NXN: variants seen among roughly 807,000 people sequenced by gnomAD.
The protein encoded by NXN is nucleoredoxin, also known as nucleoredoxin 1.
Under a neutral mutation model 48.6 loss-of-function variants are expected in NXN, and 16 were observed. The ratio of observed to expected loss-of-function variants is 0.33; its 90% CI spans 0.22 to 0.50. The LOEUF (loss-of-function observed/expected upper bound fraction) is 0.50, where lower values mean the gene tolerates loss of function less well. Among genes scored for constraint, NXN ranks in the 20% least tolerant of loss-of-function variants. NXN has a pLI of 0.98. For synonymous variants in NXN, 281 were observed against 269.6 expected, an observed-to-expected ratio of 1.04 and a Z score of -0.41; for missense variants, 492 against 605.5, an observed-to-expected ratio of 0.81 and a Z score of 1.97.
intron 1 of NXN, among the ~76,000 whole-genome samples, chr17:964,622 C>T (rs907826207): frequency 6.6e-6 from 1 of 152,206 alleles, no homozygotes; most frequent in African/African-American, 2.4e-5. Flanking sequence ...CACCCTCACG[C>T]CTACATCTGA....
intron 5 of NXN, among the ~76,000 whole-genome samples, chr17:816,874 A>T (rs1413759608): frequency 1.3e-5 from 2 of 152,144 alleles, no homozygotes; most frequent in African/African-American, 2.4e-5. Context: ...GGGCATCCCG[A>T]AACTTATCTC....
At chr17:908,282 A>T (rs549302043) in intron 1 of NXN, among the ~76,000 whole-genome samples, 213 of 152,258 alleles carry the variant, frequency 1.4e-3, no homozygotes, top group Middle Eastern at 6.8e-3. Flanking sequence ...TCACGCCTGT[A>T]TTCCCAGCAC....
intron 1 of NXN, among the ~76,000 whole-genome samples, chr17:865,558 A>T (rs1177565849): frequency 6.6e-6 from 1 of 151,964 alleles, no homozygotes; most frequent in African/African-American, 2.4e-5. Context: ...CACATTTTCT[A>T]TAAAGCAATG....
At chr17:963,937 C>T (rs1409860144) in intron 1 of NXN, among the ~76,000 whole-genome samples, 14 of 150,196 alleles carry the variant, frequency 9.3e-5, no homozygotes, top group African/African-American at 3.2e-4. Context: ...ATCAGCCGGG[C>T]GTGGTGGCGG....
intron 1 of NXN, among the ~76,000 whole-genome samples, chr17:873,075 A>T (rs1419238059): frequency 6.6e-6 from 1 of 152,206 alleles, no homozygotes; most frequent in African/African-American, 2.4e-5. Context: ...TCCAGCTGGG[A>T]CACCCGTCTT....
intron 2 of NXN, 138 bp from the exon 3 acceptor site, chr17:823,903 A>C: frequency 1.3e-6 from 1 of 747,806 alleles, no homozygotes; most frequent in Admixed American, 2.7e-5. Context: ...GTGACAAGAT[A>C]ATCATCAAAC....
intron 1 of NXN, among the ~76,000 whole-genome samples, chr17:951,579 G>A (rs1280885554): frequency 6.6e-6 from 1 of 151,384 alleles, no homozygotes; most frequent in Non-Finnish European, 1.5e-5. Flanking sequence ...GCGGGGGTTG[G>A]GGGCGGGAGG....
intron 1 of NXN, among the ~76,000 whole-genome samples, chr17:866,875 T>C (rs2068100260): frequency 6.6e-6 from 1 of 152,252 alleles, no homozygotes; most frequent in Non-Finnish European, 1.5e-5. Flanking sequence ...ATTCAAATAC[T>C]GCAAACCCTC....
At chr17:948,137 C>T (rs7225997) in intron 1 of NXN, among the ~76,000 whole-genome samples, 91,014 of 151,842 alleles carry the variant, frequency 0.6, 28,488 homozygotes, top group Non-Finnish European at 0.71. Context: ...CACAGCATAA[C>T]GACTATTTAC....
rs1382643107 is a variant in NXN, at chr17:806,133, GCC to G, written c.821-888_821-887del. Among the ~76,000 whole-genome samples, 88 of 148,476 alleles carry G rather than the reference GCC, an allele frequency of 5.9e-4. 2 individuals are homozygous for G. Among genetic ancestry groups the G allele is most frequent in the African/African-American group, 2.1e-3 (83 of 38,692 alleles). On this transcript the variant is annotated intron_variant, in intron 5 of 7. Coordinates refer to ENST00000336868, the MANE Select transcript of NXN (RefSeq NM_022463.5). ...TGCAGCCCCCGCCGTCTGCACCCCA[GCC>G]CTCCCCGCTCCCCAGGGCTGCAGCC...
intron 1 of NXN, among the ~76,000 whole-genome samples, chr17:851,550 G>A (rs2067923729): frequency 6.6e-6 from 1 of 152,208 alleles, no homozygotes; most frequent in African/African-American, 2.4e-5. Context: ...CTGCACACTG[G>A]GAGAAACCAG....
At chr17:823,563 C>T in intron 3 of NXN, 69 bp downstream of exon 3, 1 of 1,580,678 alleles carries the variant, frequency 6.3e-7, no homozygotes, top group Non-Finnish European at 8.6e-7. Flanking sequence ...CAGAAGCCAA[C>T]CACAGCTGGG....
At chr17:892,376 T>C (rs555750662) in intron 1 of NXN, among the ~76,000 whole-genome samples, 3 of 152,328 alleles carry the variant, frequency 2.0e-5, no homozygotes, top group Non-Finnish European at 4.4e-5. Context: ...TACAGGAATG[T>C]GTGTAGGGAT....
chr17:857,896 C>G (rs2068002280), intron 1 of NXN, among the ~76,000 whole-genome samples: 2 of 151,954 alleles, frequency 1.3e-5, no homozygotes, highest in East Asian at 3.9e-4. Context: ...AGAGAAGAGT[C>G]TTGCTTTGAT....
intron 1 of NXN, among the ~76,000 whole-genome samples, chr17:847,006 C>T (rs779809463): frequency 6.6e-6 from 1 of 152,136 alleles, no homozygotes; most frequent in Non-Finnish European, 1.5e-5. Flanking sequence ...GACTACGTAG[C>T]GCCTACCGCC....
At chr17:833,549 C>T (rs541838492) in intron 1 of NXN, among the ~76,000 whole-genome samples, 17 of 152,166 alleles carry the variant, frequency 1.1e-4, no homozygotes, top group Admixed American at 5.2e-4. Context: ...CTGAAAACAG[C>T]GGTTTCATAG....
At chr17:858,811 G>C (rs1687658548) in intron 1 of NXN, among the ~76,000 whole-genome samples, 1 of 152,224 alleles carries the variant, frequency 6.6e-6, no homozygotes, top group Non-Finnish European at 1.5e-5. Flanking sequence ...CTGGTTCTCA[G>C]GATCAGCTAT....
rs1268923038 is a variant in NXN, at chr17:920,573, T to C, written c.360+58746A>G. Among the ~76,000 whole-genome samples, 2 of 152,126 alleles carry C rather than the reference T, an allele frequency of 1.3e-5. No homozygotes were observed. The highest frequency in any genetic ancestry group is 2.1e-4 in the South Asian group (1 of 4,824). ...AACCCTCGACGCTCATCCAGGTTCATTCGCCATCCGTATGCCCTAGCCCAG... is the reference window on the plus strand; with the variant it reads ...AACCCTCGACGCTCATCCAGGTTCACTCGCCATCCGTATGCCCTAGCCCAG... On this transcript the variant is annotated intron_variant, in intron 1 of 7. Transcript: ENST00000336868. The surrounding 1 kb of genome is among the most constrained non-coding windows in gnomAD (Gnocchi z 4.6).
Position 866,105 on chromosome 17 carries a change from T to C in NXN, c.361-40027A>G, listed in dbSNP as rs151045933. ...CAGTGGGCAAGTAAATTACGCTCTA[T>C]ATATTCAATAGAATACAATGCTGTT... On this transcript the variant is annotated intron_variant, in intron 1 of 7. Transcript: ENST00000336868. Among the ~76,000 whole-genome samples, 19 of 152,332 alleles carry C rather than the reference T, an allele frequency of 1.2e-4. No homozygotes were observed. In the East Asian group the frequency reaches 3.5e-3, roughly 28 times the overall value.
Sources: gnomAD v4.1 joint callset for allele counts (sites outside exome capture counted in the v4.1 genomes callset) on GRCh38, gnomAD v4.1.1 for gene constraint, Gnocchi (gnomAD v3.1) non-coding constraint, MANE v1.5 for transcripts, NCBI Gene and HGNC (gene_info 2026-07-23, HGNC 2026-07-21) for gene names.